The following MAF variants were observed in gnomAD, a reference collection of about 807,000 sequenced individuals.
The protein encoded by MAF is MAF bZIP transcription factor.
MAF carries 10 observed loss-of-function variants against 22.0 expected under a neutral mutation model. That is an observed-to-expected ratio of 0.45 (90% CI 0.28 to 0.77). The LOEUF is 0.77. Ranked by LOEUF, MAF falls within the 30% of genes least tolerant of loss-of-function variation. MAF has a pLI of 0.12. For missense variants in MAF, 544 were observed against 548.4 expected, an observed-to-expected ratio of 0.99 and a Z score of 0.08; for synonymous variants, 337 against 255.8, an observed-to-expected ratio of 1.32 and a Z score of -3.03.
the MAF span, among the ~76,000 whole-genome samples, chr16:79,253,364 C>A: frequency 6.6e-6 from 1 of 152,182 alleles, no homozygotes; most frequent in African/African-American, 2.4e-5. Flanking sequence ...TGCTTTTCTT[C>A]TGCAGCTTTT....
At chr16:79,433,297 T>C in the MAF span, among the ~76,000 whole-genome samples, 4 of 146,958 alleles carry the variant, frequency 2.7e-5, no homozygotes, top group African/African-American at 9.9e-5. Context: ...TATATATATA[T>C]AATACTATGA....
At chr16:79,406,716 A>G in the MAF span, among the ~76,000 whole-genome samples, 3 of 152,128 alleles carry the variant, frequency 2.0e-5, no homozygotes, top group Non-Finnish European at 4.4e-5. Context: ...CAGATCTGAG[A>G]TTTGACTCTA....
downstream of MAF, among the ~76,000 whole-genome samples, chr16:79,593,211 G>A (rs141318894): frequency 1.5e-3 from 230 of 152,278 alleles, 1 homozygote; most frequent in African/African-American, 5.2e-3. Context: ...ATGTGAATAC[G>A]GAAGTAAGTT....
At chr16:79,308,483 T>C in the MAF span, among the ~76,000 whole-genome samples, 1 of 151,940 alleles carries the variant, frequency 6.6e-6, no homozygotes, top group Non-Finnish European at 1.5e-5. Flanking sequence ...GGTGAAAAGG[T>C]ATTTGCCCCC....
chr16:79,263,240 C>G, the MAF span, among the ~76,000 whole-genome samples: 1 of 152,100 alleles, frequency 6.6e-6, no homozygotes, highest in South Asian at 2.1e-4. Flanking sequence ...GAGTTTTGGC[C>G]AAGTCATTGC....
chr16:79,253,416 T>A, the MAF span, among the ~76,000 whole-genome samples: 3 of 152,216 alleles, frequency 2.0e-5, no homozygotes, highest in Admixed American at 2.0e-4. Context: ...ACCTTATCAG[T>A]CTTACCTTCA....
At chr16:79,445,875 T>C in the MAF span, among the ~76,000 whole-genome samples, 56 of 152,320 alleles carry the variant, frequency 3.7e-4, no homozygotes, top group South Asian at 9.7e-3. Flanking sequence ...AAGACACTAA[T>C]GCATGCATAC....
the MAF span, among the ~76,000 whole-genome samples, chr16:79,511,002 C>T: frequency 6.6e-6 from 1 of 152,168 alleles, no homozygotes; most frequent in South Asian, 2.1e-4. Context: ...CCAAACCTGG[C>T]CCCCTGCACC....
At chr16:79,428,340 C>T in the MAF span, among the ~76,000 whole-genome samples, 1 of 152,134 alleles carries the variant, frequency 6.6e-6, no homozygotes, top group African/African-American at 2.4e-5. Flanking sequence ...CAAGCACACA[C>T]TGATGTTTAG....
chr16:79,482,313 G>T, the MAF span, among the ~76,000 whole-genome samples: 1 of 152,148 alleles, frequency 6.6e-6, no homozygotes, highest in Non-Finnish European at 1.5e-5. Context: ...TGTTGGGGAA[G>T]TGTGGAGAGC....
chr16:79,355,641 G>A, the MAF span, among the ~76,000 whole-genome samples: 1 of 152,280 alleles, frequency 6.6e-6, no homozygotes, highest in South Asian at 2.1e-4. Flanking sequence ...ACTCAAATAT[G>A]ATTTCTTTGG....
chr16:79,506,855 T>A, the MAF span, among the ~76,000 whole-genome samples: 1 of 152,130 alleles, frequency 6.6e-6, no homozygotes, highest in Non-Finnish European at 1.5e-5. Context: ...AAGGCTATGA[T>A]AAGAAATTTG....
chr16:79,329,054 G>A, the MAF span, among the ~76,000 whole-genome samples: 3 of 148,156 alleles, frequency 2.0e-5, no homozygotes, highest in Non-Finnish European at 4.5e-5. Flanking sequence ...CACTCACTCC[G>A]CAACTTGCCC....
At chr16:79,421,657 G>C in the MAF span, among the ~76,000 whole-genome samples, 1 of 138,382 alleles carries the variant, frequency 7.2e-6, no homozygotes, top group Admixed American at 7.0e-5. Flanking sequence ...TTTTTTTTGA[G>C]ACAGGTTCTT....
At chr16:79,344,776 G>A in the MAF span, among the ~76,000 whole-genome samples, 153 of 152,260 alleles carry the variant, frequency 1.0e-3, 1 homozygote, top group African/African-American at 3.2e-3. Context: ...TCAGAATTTT[G>A]CATTTTTAAC....
At chr16:79,427,886 C>A in the MAF span, among the ~76,000 whole-genome samples, 1 of 152,134 alleles carries the variant, frequency 6.6e-6, no homozygotes, top group African/African-American at 2.4e-5. Context: ...ACTTCAATGG[C>A]TGGAACCTAG....
the MAF span, among the ~76,000 whole-genome samples, chr16:79,305,284 G>A: frequency 4.6e-5 from 7 of 152,218 alleles, no homozygotes; most frequent in Non-Finnish European, 8.8e-5. Context: ...CAGTTGCTCG[G>A]TTACCGAGCA....
the MAF span, among the ~76,000 whole-genome samples, chr16:79,227,315 C>T: frequency 1.3e-5 from 2 of 152,084 alleles, no homozygotes; most frequent in Admixed American, 1.3e-4. Context: ...TGTGCCACTG[C>T]ACTCTAGCCT....
chr16:79,408,366 G>A, the MAF span, among the ~76,000 whole-genome samples: 1 of 151,962 alleles, frequency 6.6e-6, no homozygotes, highest in East Asian at 1.9e-4. Flanking sequence ...AGTAGAGACG[G>A]GGTTTCGCCA....
Sources: gnomAD v4.1 joint callset for allele counts (sites outside exome capture counted in the v4.1 genomes callset) on GRCh38, gnomAD v4.1.1 for gene constraint, MANE v1.5 for transcripts, NCBI Gene and HGNC (gene_info 2026-07-23, HGNC 2026-07-21) for gene names.